The following RAB3GAP2 variants were observed in gnomAD, a reference collection of about 807,000 sequenced individuals.
RAB3GAP2 encodes the protein RAB3 GTPase activating non-catalytic protein subunit 2.
Under a neutral mutation model 185.3 loss-of-function variants are expected in RAB3GAP2, and 87 were observed. The ratio of observed to expected loss-of-function variants is 0.47; its 90% CI spans 0.39 to 0.56. The LOEUF (loss-of-function observed/expected upper bound fraction) is 0.56, where lower values mean the gene tolerates loss of function less well. Among genes scored for constraint, RAB3GAP2 ranks in the 20% least tolerant of loss-of-function variants. The probability of loss-of-function intolerance (pLI) is 0.00; values close to 1 mark genes in which losing one functional copy is unlikely to be tolerated. For synonymous variants in RAB3GAP2, 554 were observed against 576.1 expected (o/e 0.96, Z 0.55); for missense variants, 1,492 against 1,638.2 (o/e 0.91, Z 1.54).
chr1:220,191,104 G>C lies in RAB3GAP2; in HGVS notation c.1451C>G (p.Pro484Arg). 1 of 1,613,902 alleles carries C rather than the reference G, an allele frequency of 6.2e-7. No individual in the cohort carries two copies. Among genetic ancestry groups the C allele is most frequent in the South Asian group, 1.1e-5 (1 of 91,074 alleles). Residue 484 changes from proline to arginine, a missense_variant, in exon 14 of 35, where the codon CCT becomes CGT. Physicochemically the swap from Pro to Arg is moderately radical, Grantham distance 103. This residue lies in a region of RAB3GAP2 where 681 missense variants were observed against 689.1 expected (regional missense o/e 0.99). Transcript: ENST00000358951. The part of the protein sequence containing the change: ...ILEVWSTQQG[P>R]RVGAFNVGKH... The stretch of plus-strand genomic sequence containing the variant: ...CCCCACATTGAAAGCTCCTACTCTA[G>C]GTCCCTGCTGTGTGCTCCACACTTC...
chr1:220,167,566 T>G lies in RAB3GAP2; in HGVS notation c.2916A>C (p.Lys972Asn), dbSNP rs770087655. The G allele has an allele frequency of 5.6e-6, 9 of 1,614,092 alleles. No homozygotes were observed. Among genetic ancestry groups the G allele is most frequent in the Non-Finnish European group, 7.6e-6 (9 of 1,180,024 alleles). The change falls in exon 25 of 35, where the codon AAA (lysine) becomes AAC (asparagine). Residue 972 changes from lysine to asparagine, a missense_variant. Coordinates refer to ENST00000358951, the MANE Select transcript of RAB3GAP2 (RefSeq NM_012414.4). ...CAAGGAAACTTCTGTTAACACCTTC[T>G]TTGGGTTCATCTGGGTTTTCTGCAT... ...ERDAENPDEP[K>N]EGVNRSFLEV...
intron 1 of RAB3GAP2, among the ~76,000 whole-genome samples, chr1:220,245,183 AACAGCTCCGGTCT>A (rs1659777918): frequency 2.0e-5 from 3 of 152,128 alleles, no homozygotes; most frequent in Admixed American, 2.0e-4. Flanking sequence ...GCCGAATAGG[AACAGCTCCGGTCT>A]ACAGCTCCCA....
At chr1:220,225,985 T>A (rs149542290) in intron 2 of RAB3GAP2, among the ~76,000 whole-genome samples, 338 of 152,344 alleles carry the variant, frequency 2.2e-3, no homozygotes, top group African/African-American at 7.4e-3. Flanking sequence ...GGGGCCTCCA[T>A]CTGACCAGCA....
At chr1:220,219,173 G>A (rs1315281838) in intron 2 of RAB3GAP2, among the ~76,000 whole-genome samples, 1 of 152,152 alleles carries the variant, frequency 6.6e-6, no homozygotes, top group African/African-American at 2.4e-5. Flanking sequence ...TTAAGAAACT[G>A]TAGTACTAAG....
rs760546570 is a variant in RAB3GAP2, at chr1:220,167,625, G to T, written c.2857C>A (p.Pro953Thr). The change falls in exon 25 of 35, where the codon CCT becomes ACT. Residue 953 changes from proline (P) to threonine (T), a missense_variant. Physicochemically the swap from Pro to Thr is conservative, Grantham distance 38. Coordinates refer to ENST00000358951, the MANE Select transcript of RAB3GAP2 (RefSeq NM_012414.4). Reference sequence around the variant, plus strand: ...TCATTAGCCAGTTTTAATACTTCAGGGCTGAAGTCCTGTTTAAATATCCAC... The same window carrying T: ...TCATTAGCCAGTTTTAATACTTCAGTGCTGAAGTCCTGTTTAAATATCCAC... ...AKWIFKQDFS[P>T]EVLKLANEER... The T allele has an allele frequency of 1.2e-6, 2 of 1,613,694 alleles. No individual in the cohort carries two copies. The highest frequency in any genetic ancestry group is 1.7e-6 in the Non-Finnish European group (2 of 1,179,880).
At chr1:220,153,442 T>A in intron 32 of RAB3GAP2, 36 bp from the exon 33 acceptor site, 2 of 1,561,890 alleles carry the variant, frequency 1.3e-6, no homozygotes, top group Non-Finnish European at 1.8e-6. Context: ...CAATGCATTG[T>A]TACTGTTTCA....
In RAB3GAP2 at chr1:220,151,140, GAAAA is replaced by G; in HGVS notation, c.*107_*110del. ...TATACTTTTATTTATTTTACAAAAG[GAAAA>G]AAAAAGACATACTTTTCCCATAAAA... is the stretch of plus-strand genomic sequence containing the variant. On this transcript the variant is annotated 3_prime_UTR_variant, in exon 35 of 35. Transcript: ENST00000358951. The G allele has an allele frequency of 8.7e-7, 1 of 1,144,444 alleles. No individual in the cohort carries two copies. Among genetic ancestry groups the G allele is most frequent in the Non-Finnish European group, 1.2e-6 (1 of 806,054 alleles). 70.9% of individuals were successfully genotyped at this position (1,144,444 alleles called of 1,614,324 possible). A position where few individuals can be genotyped will look rare whatever the true frequency, so the allele number is the denominator to read the frequency against.
At chr1:220,249,637 C>T (rs760430703) in intron 1 of RAB3GAP2, among the ~76,000 whole-genome samples, 1 of 152,182 alleles carries the variant, frequency 6.6e-6, no homozygotes, top group African/African-American at 2.4e-5. Flanking sequence ...GTCACCAGTG[C>T]ATGTCAGAGA....
chr1:220,255,668 AG>A (rs1490540801), intron 1 of RAB3GAP2, among the ~76,000 whole-genome samples: 5 of 152,348 alleles, frequency 3.3e-5, no homozygotes, highest in Non-Finnish European at 7.3e-5. Flanking sequence ...GACCAAGTGG[AG>A]GAAAGAATCT....
At chr1:220,191,815 TAA>T (rs931634022) in intron 13 of RAB3GAP2, among the ~76,000 whole-genome samples, 7 of 132,914 alleles carry the variant, frequency 5.3e-5, no homozygotes, top group Admixed American at 7.6e-5. Flanking sequence ...CGAAACTCTC[TAA>T]AAAAAAAAAA....
rs556228094 is a variant in RAB3GAP2 at position 220,262,988 on chromosome 1, A to G, written c.115+9235T>C. 9.9e-5 allele frequency among the ~76,000 whole-genome samples: 15 copies of G among 151,048 alleles called. No individual in the cohort carries two copies. In the East Asian group the frequency reaches 2.3e-3, roughly 23 times the overall value. On this transcript the variant is annotated intron_variant, in intron 1 of 34. Coordinates refer to ENST00000358951, the MANE Select transcript of RAB3GAP2 (RefSeq NM_012414.4). ...CCTGATACTTTTTTTTTTTTATAGT[A>G]GCCATTTCTAATAGGTGTAACATTT...
intron 1 of RAB3GAP2, among the ~76,000 whole-genome samples, chr1:220,238,189 C>A (rs1323258573): frequency 2.0e-5 from 3 of 152,118 alleles, no homozygotes; most frequent in Admixed American, 1.3e-4. Flanking sequence ...TACAGGTGTG[C>A]ATCACCAAGC....
intron 1 of RAB3GAP2, among the ~76,000 whole-genome samples, chr1:220,241,059 T>C (rs1409200930): frequency 6.6e-6 from 1 of 152,082 alleles, no homozygotes; most frequent in East Asian, 1.9e-4. Flanking sequence ...AAAAAAATTA[T>C]AGATGTCTTG....
At chr1:220,195,201 A>C (rs1658701203) in intron 11 of RAB3GAP2, 34 bp from the exon 12 acceptor site, 23 of 1,611,052 alleles carry the variant, frequency 1.4e-5, no homozygotes, top group Non-Finnish European at 2.0e-5. Context: ...TATAAAACTG[A>C]GCTTCCAGGG....
intron 2 of RAB3GAP2, among the ~76,000 whole-genome samples, chr1:220,215,969 T>C (rs1659193663): frequency 6.6e-6 from 1 of 152,084 alleles, no homozygotes; most frequent in Admixed American, 6.6e-5. Flanking sequence ...AAACAGAAAA[T>C]CATCCTAGTC....
At position 220,172,021 on chromosome 1, in the gene RAB3GAP2, C is replaced by T; in HGVS notation, c.2445G>A (p.Gln815=). Residue 815 remains glutamine, a synonymous_variant, in exon 23 of 35, where the codon CAG becomes CAA. Coordinates refer to ENST00000358951, the MANE Select transcript of RAB3GAP2 (RefSeq NM_012414.4). ...KVAIDETWDS[Q]SVSPWWQQMR... ...TCTGCTGCCACCATGGGGACACAGA[C>T]TGAGAATCCCAGGTCTCATCGATGG... The T allele has an allele frequency of 6.2e-7, 1 of 1,614,188 alleles. No homozygotes were observed.
In RAB3GAP2 at chr1:220,270,250, T is replaced by C. The variant is rs539419761; in HGVS notation, c.115+1973A>G. Reference sequence around the variant, plus strand: ...TACTCCTTCTCAGTCTTCTTCCCAGTAACCTCTACTTGACTTTTAAACACC... The same window carrying C: ...TACTCCTTCTCAGTCTTCTTCCCAGCAACCTCTACTTGACTTTTAAACACC... On this transcript the variant is annotated intron_variant, in intron 1 of 34. Transcript: ENST00000358951. 1.5e-4 allele frequency among the ~76,000 whole-genome samples: 23 copies of C among 152,352 alleles called. No homozygotes were observed. In the East Asian group the frequency reaches 4.4e-3, roughly 29 times the overall value.
intron 1 of RAB3GAP2, chr1:220,253,898 C>T (rs756098217): frequency 2.5e-5 from 40 of 1,613,360 alleles, no homozygotes; most frequent in Middle Eastern, 3.4e-4. Flanking sequence ...GAAGTGAAAA[C>T]GAAAAAGAAC....
chr1:220,184,600 C>T (rs1658475223), intron 18 of RAB3GAP2, among the ~76,000 whole-genome samples: 1 of 152,018 alleles, frequency 6.6e-6, no homozygotes, highest in African/African-American at 2.4e-5. Context: ...GAATATTGTT[C>T]AAGTTCTTAT....
Sources: gnomAD v4.1 joint callset for allele counts (sites outside exome capture counted in the v4.1 genomes callset) on GRCh38, gnomAD v4.1.1 for gene constraint, gnomAD v4.1.1 regional missense constraint, MANE v1.5 for transcripts, NCBI Gene and HGNC (gene_info 2026-07-23, HGNC 2026-07-21) for gene names.